The following RAD51B variants were observed in gnomAD, a reference collection of about 807,000 sequenced individuals.
The protein encoded by RAD51B is RAD51 paralog B.
In RAD51B, 38 loss-of-function variants were observed where a neutral mutation model predicts 42.2. That is an observed-to-expected ratio of 0.90 (90% CI 0.70 to 1.18). The LOEUF (loss-of-function observed/expected upper bound fraction) is 1.18, where lower values mean the gene tolerates loss of function less well. Among genes scored for constraint, RAD51B ranks in the 50% most tolerant of loss-of-function variants. The pLI is 0.00. For missense variants in RAD51B, 373 were observed against 400.7 expected, an observed-to-expected ratio of 0.93 and a Z score of 0.59; for synonymous variants, 154 against 145.2, an observed-to-expected ratio of 1.06 and a Z score of -0.43.
At chr14:68,083,953 G>A (rs1024600235) in intron 7 of RAD51B, among the ~76,000 whole-genome samples, 2 of 152,134 alleles carry the variant, frequency 1.3e-5, no homozygotes, top group Admixed American at 6.5e-5. Flanking sequence ...GAGAGGGAAC[G>A]TGAGAAAGAA....
At chr14:68,626,933 G>T (rs1391572187) in intron 10 of RAD51B, among the ~76,000 whole-genome samples, 1 of 152,124 alleles carries the variant, frequency 6.6e-6, no homozygotes, top group Non-Finnish European at 1.5e-5. Flanking sequence ...AACCGAGACA[G>T]AAAATGAACT....
intron 7 of RAD51B, among the ~76,000 whole-genome samples, chr14:68,004,332 CAAAAAAAAAAAA>C (rs767211363): frequency 5.2e-5 from 3 of 57,488 alleles, no homozygotes; most frequent in South Asian, 6.1e-4. Context: ...GACTCCGTCT[CAAAAAAAAAAAA>C]AAAAAAAAAA....
chr14:68,632,043 C>T (rs927053226), intron 10 of RAD51B, among the ~76,000 whole-genome samples: 5 of 152,204 alleles, frequency 3.3e-5, no homozygotes, highest in African/African-American at 7.2e-5. Flanking sequence ...ACACTGTTGA[C>T]CTTTGCCTTT....
intron 7 of RAD51B, among the ~76,000 whole-genome samples, chr14:67,910,358 A>T (rs1174290136): frequency 1.4e-5 from 1 of 72,870 alleles, no homozygotes; most frequent in East Asian, 3.3e-4. Flanking sequence ...GTGAGCCGAG[A>T]TCGCGCCACT....
intron 7 of RAD51B, among the ~76,000 whole-genome samples, chr14:68,119,812 A>G (rs2077615853): frequency 1.3e-5 from 2 of 150,654 alleles, no homozygotes; most frequent in South Asian, 2.1e-4. Flanking sequence ...AGCATGATTT[A>G]TAGTCCTTTG....
At chr14:68,676,680 G>C (rs1020720261) in intron 11 of RAD51B, among the ~76,000 whole-genome samples, 5 of 152,268 alleles carry the variant, frequency 3.3e-5, no homozygotes, top group African/African-American at 9.6e-5. Flanking sequence ...GAGGAGGCAG[G>C]TGTGGCAAGC....
At chr14:68,497,172 G>C (rs748570844) in intron 10 of RAD51B, 1 of 1,397,210 alleles carries the variant, frequency 7.2e-7, no homozygotes, top group African/African-American at 1.4e-5. Flanking sequence ...TGTTCATCTT[G>C]CCAAGAAAAA....
chr14:68,050,435 G>T (rs1295506183), intron 7 of RAD51B, among the ~76,000 whole-genome samples: 2 of 152,126 alleles, frequency 1.3e-5, no homozygotes, highest in Admixed American at 6.5e-5. Context: ...ACAACAAAAA[G>T]ATTTTATTTT....
At chr14:68,452,184 T>A (rs2085573230) in intron 9 of RAD51B, among the ~76,000 whole-genome samples, 1 of 152,182 alleles carries the variant, frequency 6.6e-6, no homozygotes, top group South Asian at 2.1e-4. Flanking sequence ...TGCATCTTGT[T>A]TTTTTTGGTT....
intron 7 of RAD51B, among the ~76,000 whole-genome samples, chr14:68,141,906 C>A (rs979581428): frequency 6.6e-6 from 1 of 152,188 alleles, no homozygotes; most frequent in South Asian, 2.1e-4. Flanking sequence ...TCTGCAGCCC[C>A]TCCCATGTGC....
chr14:68,190,612 T>C (rs1219615556), intron 7 of RAD51B, among the ~76,000 whole-genome samples: 3 of 152,182 alleles, frequency 2.0e-5, no homozygotes, highest in Non-Finnish European at 4.4e-5. Flanking sequence ...TCATTGTTGA[T>C]GCCTGTTATA....
At chr14:68,183,984 CG>C (rs71129872) in intron 7 of RAD51B, among the ~76,000 whole-genome samples, 122,580 of 150,058 alleles carry the variant, frequency 0.82, 50,232 homozygotes, top group East Asian at 0.98. Context: ...CCCAGCTACT[CG>C]GGGGGGGTGA....
intron 8 of RAD51B, among the ~76,000 whole-genome samples, chr14:68,358,290 C>T (rs935957425): frequency 6.6e-6 from 1 of 152,122 alleles, no homozygotes; most frequent in South Asian, 2.1e-4. Context: ...CTTGTCAACG[C>T]GCTTGCCACA....
At chr14:67,860,377 A>G (rs2042125878) in intron 4 of RAD51B, among the ~76,000 whole-genome samples, 1 of 152,164 alleles carries the variant, frequency 6.6e-6, no homozygotes, top group South Asian at 2.1e-4. Flanking sequence ...AAAATAAGTG[A>G]CTTTATGAAT....
intron 7 of RAD51B, among the ~76,000 whole-genome samples, chr14:67,944,113 T>G (rs10137712): frequency 0.098 from 14,723 of 150,820 alleles, 1,989 homozygotes; most frequent in African/African-American, 0.3. Flanking sequence ...GGGCATGGAG[T>G]GGGAAGAAAA....
intron 7 of RAD51B, among the ~76,000 whole-genome samples, chr14:68,269,904 GC>G (rs2081072085): frequency 6.6e-6 from 1 of 152,196 alleles, no homozygotes; most frequent in African/African-American, 2.4e-5. Flanking sequence ...TGGAACACAG[GC>G]CTTGGATTGA....
At chr14:68,292,049 T>C in intron 8 of RAD51B, 69 bp downstream of exon 8, 1 of 1,357,908 alleles carries the variant, frequency 7.4e-7, no homozygotes, top group Non-Finnish European at 1.1e-6. Flanking sequence ...CTCCACCTCC[T>C]GTTGAGAGCT....
chr14:67,955,044 G>A (rs1036033768), intron 7 of RAD51B, among the ~76,000 whole-genome samples: 1 of 152,062 alleles, frequency 6.6e-6, no homozygotes, highest in African/African-American at 2.4e-5. Flanking sequence ...AAAAGATAAG[G>A]CCATTGGCCA....
In RAD51B at chr14:68,611,196, A is replaced by T. The variant is rs773861877; in HGVS notation, c.1227A>T (p.Thr409=). ...TCCTCTCTTCTGCTCTTCCTCCTAC[A>T]AACTGGGCAACTGGAATCAGAACAG... Residue 409 remains threonine, a synonymous_variant, in exon 11 of 11, where the codon ACA becomes ACT. Transcript: ENST00000487861. The T allele has an allele frequency of 9.4e-5, 66 of 702,884 alleles. No homozygotes were observed. The highest frequency in any genetic ancestry group is 1.6e-4 in the Non-Finnish European group (63 of 385,030). 43.5% of individuals were successfully genotyped at this position (702,884 alleles called of 1,614,324 possible).
Sources: allele counts gnomAD v4.1 joint callset (sites outside exome capture counted in the v4.1 genomes callset), GRCh38; gene constraint gnomAD v4.1.1; transcripts MANE v1.5; gene names NCBI Gene and HGNC (gene_info 2026-07-23, HGNC 2026-07-21).